ADAMTS17: variants seen among roughly 807,000 people sequenced by gnomAD.
ADAMTS17 encodes A disintegrin and metalloproteinase with thrombospondin motifs 17.
A neutral mutation model predicts 141.5 loss-of-function variants in ADAMTS17; 113 were observed. That is an observed-to-expected ratio of 0.80 (90% CI 0.69 to 0.93). The LOEUF (loss-of-function observed/expected upper bound fraction) is 0.93, where lower values mean the gene tolerates loss of function less well. ADAMTS17 is among the 40% of genes least tolerant of loss of function. The probability of loss-of-function intolerance (pLI) is 0.00; values close to 1 mark genes in which losing one functional copy is unlikely to be tolerated. For missense variants in ADAMTS17, 1,659 were observed against 1,517.9 expected (o/e 1.09, Z -1.54); for synonymous variants, 768 against 630.6 (o/e 1.22, Z -3.27).
At chr15:100,102,025 A>G (rs1482410691) in intron 14 of ADAMTS17, among the ~76,000 whole-genome samples, 1 of 152,190 alleles carries the variant, frequency 6.6e-6, no homozygotes, top group African/African-American at 2.4e-5. Context: ...GCTAAACTAC[A>G]TGTAACTTCT....
chr15:100,061,513 C>T (rs941691996), intron 15 of ADAMTS17, among the ~76,000 whole-genome samples: 8 of 152,160 alleles, frequency 5.3e-5, no homozygotes, highest in Non-Finnish European at 1.2e-4. Flanking sequence ...GTGGCACCTG[C>T]TAGTTAGCAC....
chr15:100,048,262 T>C (rs539719155), intron 18 of ADAMTS17, among the ~76,000 whole-genome samples: 26 of 152,300 alleles, frequency 1.7e-4, no homozygotes, highest in African/African-American at 5.8e-4. Flanking sequence ...GGATTCATTA[T>C]TAAAGTCCCG....
chr15:100,061,956 G>A (rs1476955571), intron 15 of ADAMTS17, among the ~76,000 whole-genome samples: 1 of 152,264 alleles, frequency 6.6e-6, no homozygotes, highest in Non-Finnish European at 1.5e-5. Flanking sequence ...GGCTTCCAAT[G>A]CAAATGCTGG....
chr15:100,227,541 G>A (rs997350105), intron 7 of ADAMTS17, among the ~76,000 whole-genome samples: 1 of 152,190 alleles, frequency 6.6e-6, no homozygotes, highest in African/African-American at 2.4e-5. Context: ...AGAGGCAGGC[G>A]GCCCTGGATT....
intron 11 of ADAMTS17, among the ~76,000 whole-genome samples, chr15:100,132,930 A>G (rs1347290426): frequency 6.6e-6 from 1 of 152,224 alleles, no homozygotes; most frequent in East Asian, 1.9e-4. Context: ...TCCATTTGAA[A>G]TATACTGGTG....
intron 7 of ADAMTS17, among the ~76,000 whole-genome samples, chr15:100,199,684 T>C (rs1253283349): frequency 6.6e-6 from 1 of 152,138 alleles, no homozygotes; most frequent in Non-Finnish European, 1.5e-5. Flanking sequence ...GCACCTAACT[T>C]AATCCCCGTG....
At chr15:100,167,899 G>C (rs999400968) in intron 8 of ADAMTS17, among the ~76,000 whole-genome samples, 3 of 152,196 alleles carry the variant, frequency 2.0e-5, no homozygotes, top group African/African-American at 7.2e-5. Context: ...TGCACGTGAT[G>C]AATGTCACAG....
intron 20 of ADAMTS17, among the ~76,000 whole-genome samples, chr15:99,984,466 A>G (rs905116381): frequency 1.3e-5 from 2 of 152,220 alleles, no homozygotes; most frequent in African/African-American, 4.8e-5. Flanking sequence ...ACACGTGAAC[A>G]CTTTACAGGC....
chr15:100,046,772 G>A (rs968328574), intron 18 of ADAMTS17, among the ~76,000 whole-genome samples: 3 of 152,146 alleles, frequency 2.0e-5, no homozygotes, highest in Non-Finnish European at 4.4e-5. Context: ...CAATTTGTAA[G>A]CTGAGGAGGC....
intron 12 of ADAMTS17, among the ~76,000 whole-genome samples, chr15:100,118,575 G>A (rs2037284874): frequency 6.6e-6 from 1 of 152,206 alleles, no homozygotes; most frequent in South Asian, 2.1e-4. Context: ...TGTCTAGAAG[G>A]CAAGGGAGGC....
intron 7 of ADAMTS17, among the ~76,000 whole-genome samples, chr15:100,245,292 A>C (rs923905084): frequency 1.2e-4 from 19 of 152,152 alleles, no homozygotes; most frequent in African/African-American, 4.3e-4. Context: ...AGCCACCTCA[A>C]GGAAGGACAC....
intron 20 of ADAMTS17, among the ~76,000 whole-genome samples, chr15:99,991,711 A>G (rs1220302940): frequency 6.6e-6 from 1 of 152,210 alleles, no homozygotes. Context: ...CACTATAAAG[A>G]CACATGCACA....
chr15:100,189,788 G>A (rs1273277667), intron 8 of ADAMTS17, among the ~76,000 whole-genome samples: 1 of 152,192 alleles, frequency 6.6e-6, no homozygotes, highest in Non-Finnish European at 1.5e-5. Context: ...TGGATGCCCT[G>A]TCTTTCTCTT....
chr15:100,083,946 C>A (rs1365300784), intron 15 of ADAMTS17, among the ~76,000 whole-genome samples: 1 of 151,920 alleles, frequency 6.6e-6, no homozygotes, highest in Non-Finnish European at 1.5e-5. Flanking sequence ...TTCTGCATTT[C>A]CAACTGAGGT....
At chr15:100,326,385 G>A (rs1031755146) in intron 3 of ADAMTS17, among the ~76,000 whole-genome samples, 3 of 152,126 alleles carry the variant, frequency 2.0e-5, no homozygotes, top group Non-Finnish European at 4.4e-5. Context: ...GGAGAGCTAC[G>A]GTCTCAAAGA....
At chr15:100,198,982 A>C (rs2141632508) in intron 8 of ADAMTS17, among the ~76,000 whole-genome samples, 1 of 152,378 alleles carries the variant, frequency 6.6e-6, no homozygotes, top group East Asian at 1.9e-4. Flanking sequence ...CCATTATGTG[A>C]ATAATAGACT....
intron 10 of ADAMTS17, among the ~76,000 whole-genome samples, chr15:100,151,247 A>T (rs938895762): frequency 6.6e-6 from 1 of 152,222 alleles, no homozygotes; most frequent in African/African-American, 2.4e-5. Flanking sequence ...AAGCAGCACT[A>T]CAGTGTGGAT....
chr15:100,140,019 C>T lies in ADAMTS17; in HGVS notation c.1474-6704G>A, dbSNP rs112104568. On this transcript the variant is annotated intron_variant, in intron 10 of 21. Transcript: ENST00000268070. The stretch of plus-strand genomic sequence containing the variant: ...TGTTTTTTATTTTTATTTTTGAGAT[C>T]GAGCCTCACTCTGTCACCCAGGCTG... 7.1e-3 allele frequency among the ~76,000 whole-genome samples: 1,082 copies of T among 151,972 alleles called. 14 individuals are homozygous for T. The highest frequency in any genetic ancestry group is 0.025 in the African/African-American group (1,026 of 41,432).
chr15:100,259,384 G>C (rs142556909), intron 6 of ADAMTS17, among the ~76,000 whole-genome samples: 179 of 152,298 alleles, frequency 1.2e-3, no homozygotes, highest in Admixed American at 3.2e-3. Context: ...CCTCACAGTC[G>C]CCAAATGCCA....
Sources: allele counts gnomAD v4.1 joint callset (sites outside exome capture counted in the v4.1 genomes callset), GRCh38; gene constraint gnomAD v4.1.1; transcripts MANE v1.5; gene names NCBI Gene and HGNC (gene_info 2026-07-23, HGNC 2026-07-21).